The following DCDC2 variants were observed in gnomAD, a reference collection of about 807,000 sequenced individuals.
DCDC2 encodes the protein doublecortin domain-containing protein 2.
Under a neutral mutation model 50.2 loss-of-function variants are expected in DCDC2, and 40 were observed. The ratio of observed to expected loss-of-function variants is 0.80; its 90% CI spans 0.62 to 1.04. DCDC2 has a LOEUF of 1.04. Among genes scored for constraint, DCDC2 ranks in the 50% least tolerant of loss-of-function variants. The probability of loss-of-function intolerance (pLI) is 0.00; values close to 1 mark genes in which losing one functional copy is unlikely to be tolerated. For synonymous variants in DCDC2, 234 were observed against 210.6 expected (o/e 1.11, Z -0.96); for missense variants, 570 against 581.9 (o/e 0.98, Z 0.21).
chr6:24,257,301 T>A (rs1189562270), intron 7 of DCDC2, among the ~76,000 whole-genome samples: 1 of 152,212 alleles, frequency 6.6e-6, no homozygotes, highest in African/African-American at 2.4e-5. Flanking sequence ...CATTCTCTCA[T>A]CAAGCTCTTC....
At chr6:24,338,150 A>G (rs1760091789) in intron 2 of DCDC2, among the ~76,000 whole-genome samples, 1 of 152,190 alleles carries the variant, frequency 6.6e-6, no homozygotes, top group African/African-American at 2.4e-5. Context: ...CCTACTTCAT[A>G]AGGTTGTTGT....
At chr6:24,193,758 G>T (rs536052754) in intron 8 of DCDC2, among the ~76,000 whole-genome samples, 2 of 152,168 alleles carry the variant, frequency 1.3e-5, no homozygotes, top group South Asian at 2.1e-4. Flanking sequence ...GTGTTTGTAT[G>T]TATGTGGCCC....
the DCDC2 span, among the ~76,000 whole-genome samples, chr6:24,367,676 C>T: frequency 6.6e-6 from 1 of 152,162 alleles, no homozygotes; most frequent in African/African-American, 2.4e-5. Flanking sequence ...CAGAAACCAA[C>T]ACAAATTCTC....
At chr6:24,288,762 T>C (rs1295361047) in intron 6 of DCDC2, 90 bp downstream of exon 6, 8 of 1,225,626 alleles carry the variant, frequency 6.5e-6, no homozygotes, top group East Asian at 2.4e-5. Flanking sequence ...CTAAGTTTTA[T>C]CTCTTGGAAC....
intron 7 of DCDC2, chr6:24,205,388 T>C: frequency 3.5e-6 from 5 of 1,411,534 alleles, no homozygotes; most frequent in East Asian, 5.0e-5. Context: ...TAGCCCTTTG[T>C]ACAGGCATTG....
chr6:24,306,543 T>G (rs201528594), intron 2 of DCDC2, among the ~76,000 whole-genome samples: 1 of 115,720 alleles, frequency 8.6e-6, no homozygotes, highest in African/African-American at 3.4e-5. Context: ...GATAGATAGA[T>G]AGACAGACAG....
At chr6:24,366,809 G>A in the DCDC2 span, among the ~76,000 whole-genome samples, 1 of 151,994 alleles carries the variant, frequency 6.6e-6, no homozygotes, top group Admixed American at 6.6e-5. Context: ...TCCTTCTAAA[G>A]CAATCCAAAA....
In DCDC2 at chr6:24,278,135, T is replaced by A. The variant is rs1763399188; in HGVS notation, c.836A>T (p.Lys279Ile). ...SSPQPLKRKGKKEDVNSEKLT... is the reference protein window; with the variant it reads ...SSPQPLKRKGIKEDVNSEKLT... ...TTTTTCTGAATTCACGTCTTCTTTT[T>A]TCCCTTTCCTCTTCAGGGGCTGAGG... Residue 279 changes from lysine to isoleucine, a missense_variant, in exon 7 of 10, where the codon AAA becomes ATA. Physicochemically the swap from Lys to Ile is moderately radical, Grantham distance 102. Transcript: ENST00000378454. The A allele has an allele frequency of 1.2e-6, 2 of 1,614,052 alleles. No individual in the cohort carries two copies. Among genetic ancestry groups the A allele is most frequent in the Middle Eastern group, 3.3e-4 (2 of 6,058 alleles).
Position 24,178,452 on chromosome 6 carries a change from C to T in DCDC2, c.1204G>A (p.Ala402Thr), listed in dbSNP as rs758852015. 6.2e-7 allele frequency: 1 copy of T among 1,614,194 alleles called. No individual in the cohort carries two copies. The highest frequency in any genetic ancestry group is 8.5e-7 in the Non-Finnish European group (1 of 1,180,034). The change falls in exon 9 of 10, where the codon GCT (alanine) becomes ACT (threonine). Residue 402 changes from alanine (A) to threonine (T), a missense_variant. Physicochemically the swap from Ala to Thr is moderately conservative, Grantham distance 58. Transcript: ENST00000378454. ...TCATCGGTGCCTCCATTTACACGAG[C>T]AGGGCGTGCCTGCTGCTCACTGTGA... Reference protein sequence around the residue: ...LDHSEQQARPARVNGGTDEEN... With the variant: ...LDHSEQQARPTRVNGGTDEEN...
chr6:24,216,881 A>T (rs1215456779), intron 7 of DCDC2, among the ~76,000 whole-genome samples: 1 of 152,250 alleles, frequency 6.6e-6, no homozygotes, highest in Non-Finnish European at 1.5e-5. Flanking sequence ...GCAGATATTT[A>T]TTAGAGTTTG....
the DCDC2 span, among the ~76,000 whole-genome samples, chr6:24,373,430 C>T: frequency 1.3e-5 from 2 of 152,228 alleles, no homozygotes; most frequent in Non-Finnish European, 2.9e-5. Flanking sequence ...CATGCGTCAA[C>T]ATGGAAGACT....
chr6:24,381,781 T>C, the DCDC2 span, among the ~76,000 whole-genome samples: 1 of 113,090 alleles, frequency 8.8e-6, no homozygotes, highest in Non-Finnish European at 1.7e-5. Context: ...CTCATCACTA[T>C]TGGAAAAGAA....
At chr6:24,232,897 T>C (rs983832537) in intron 7 of DCDC2, among the ~76,000 whole-genome samples, 3 of 152,134 alleles carry the variant, frequency 2.0e-5, no homozygotes, top group African/African-American at 7.2e-5. Flanking sequence ...CTAGCCAACT[T>C]TCCTTTCCAT....
At chr6:24,302,993 C>T (rs903565454) in intron 2 of DCDC2, among the ~76,000 whole-genome samples, 4 of 152,000 alleles carry the variant, frequency 2.6e-5, no homozygotes, top group Non-Finnish European at 5.9e-5. Context: ...TCATCTAGAT[C>T]CTCACCATTT....
intron 2 of DCDC2, among the ~76,000 whole-genome samples, chr6:24,348,401 A>C (rs564030173): frequency 6.6e-6 from 1 of 152,324 alleles, no homozygotes; most frequent in East Asian, 1.9e-4. Flanking sequence ...GCAGTAAGAA[A>C]GCAGTCATCA....
intron 2 of DCDC2, among the ~76,000 whole-genome samples, chr6:24,318,773 A>ATACG (rs934764736): frequency 9.5e-6 from 1 of 105,686 alleles, no homozygotes; most frequent in African/African-American, 4.8e-5. Context: ...TCCGTTTTAT[A>ATACG]TACGTACGTG....
chr6:24,183,074 A>G (rs1157898702), intron 8 of DCDC2, among the ~76,000 whole-genome samples: 4 of 152,222 alleles, frequency 2.6e-5, no homozygotes. Context: ...ATGATTCTAC[A>G]TGTGAGGTAT....
At chr6:24,320,337 TG>T (rs1241755547) in intron 2 of DCDC2, among the ~76,000 whole-genome samples, 1 of 152,110 alleles carries the variant, frequency 6.6e-6, no homozygotes. Context: ...GTTTGTTTTG[TG>T]GGGGGTGGGG....
At chr6:24,261,560 A>G (rs1421874718) in intron 7 of DCDC2, among the ~76,000 whole-genome samples, 1 of 152,172 alleles carries the variant, frequency 6.6e-6, no homozygotes, top group Non-Finnish European at 1.5e-5. Context: ...TTGATCCTGC[A>G]TGGGACAATT....
Sources: gnomAD v4.1 joint callset for allele counts (sites outside exome capture counted in the v4.1 genomes callset) on GRCh38, gnomAD v4.1.1 for gene constraint, MANE v1.5 for transcripts, NCBI Gene and HGNC (gene_info 2026-07-23, HGNC 2026-07-21) for gene names.